The following WDFY3 variants were observed in gnomAD, a reference collection of about 807,000 sequenced individuals.
WDFY3 encodes the protein WD repeat and FYVE domain containing 3.
A neutral mutation model predicts 409.6 loss-of-function variants in WDFY3; 66 were observed. That is an observed-to-expected ratio of 0.16 (90% CI 0.13 to 0.20). WDFY3 has a LOEUF of 0.20. Ranked by LOEUF, WDFY3 falls within the 10% of genes least tolerant of loss-of-function variation. The pLI is 1.00. For missense variants in WDFY3, 3,031 were observed against 4,298.1 expected (o/e 0.71, Z 8.24); for synonymous variants, 1,521 against 1,537.1 (o/e 0.99, Z 0.25).
chr4:84,931,752 T>C (rs1770791846), intron 2 of WDFY3, among the ~76,000 whole-genome samples: 1 of 152,084 alleles, frequency 6.6e-6, no homozygotes, highest in Non-Finnish European at 1.5e-5. Flanking sequence ...ATTGAAAAAC[T>C]AATAACCTCA....
intron 1 of WDFY3, among the ~76,000 whole-genome samples, chr4:84,964,494 T>A (rs914452072): frequency 2.6e-5 from 4 of 152,092 alleles, no homozygotes; most frequent in Admixed American, 6.5e-5. Context: ...ATAAATAAAT[T>A]AAGAACAACT....
At chr4:84,687,210 C>T (rs931911681) in intron 62 of WDFY3, among the ~76,000 whole-genome samples, 2 of 152,146 alleles carry the variant, frequency 1.3e-5, no homozygotes, top group Non-Finnish European at 2.9e-5. Context: ...GTGGAGCGAT[C>T]TTGGCTCACT....
intron 2 of WDFY3, among the ~76,000 whole-genome samples, chr4:84,921,783 A>T (rs1769323147): frequency 6.8e-6 from 1 of 147,614 alleles, no homozygotes; most frequent in Non-Finnish European, 1.5e-5. Flanking sequence ...CAGCCTCCCT[A>T]GTAGCTGTGA....
At chr4:84,681,876 T>G (rs939438930) in intron 64 of WDFY3, among the ~76,000 whole-genome samples, 1 of 152,216 alleles carries the variant, frequency 6.6e-6, no homozygotes, top group Non-Finnish European at 1.5e-5. Flanking sequence ...TAATGGACTA[T>G]AGGTAACCAG....
At chr4:84,901,309 G>C (rs914652355) in intron 2 of WDFY3, among the ~76,000 whole-genome samples, 3 of 152,138 alleles carry the variant, frequency 2.0e-5, no homozygotes, top group Non-Finnish European at 4.4e-5. Flanking sequence ...TGGTTCATGA[G>C]GAATCTGCTC....
At chr4:84,744,852 C>CAAAAA (rs1165273561) in intron 36 of WDFY3, among the ~76,000 whole-genome samples, 1 of 15,738 alleles carries the variant, frequency 6.4e-5, no homozygotes, top group African/African-American at 2.5e-4. Context: ...GACTCCGTCT[C>CAAAAA]AAAAAAAAAA....
intron 32 of WDFY3, among the ~76,000 whole-genome samples, chr4:84,759,288 CTCT>C (rs1476921664): frequency 1.3e-5 from 2 of 152,094 alleles, no homozygotes; most frequent in African/African-American, 4.8e-5. Context: ...GGGATGCGGG[CTCT>C]TTTTTGGTTC....
chr4:84,925,232 T>C (rs1370376768), intron 2 of WDFY3, among the ~76,000 whole-genome samples: 1 of 152,192 alleles, frequency 6.6e-6, no homozygotes, highest in African/African-American at 2.4e-5. Flanking sequence ...TCTACTCTAT[T>C]AGCCTCAAAG....
At chr4:84,834,961 C>T (rs893066721) in intron 7 of WDFY3, among the ~76,000 whole-genome samples, 1 of 152,188 alleles carries the variant, frequency 6.6e-6, no homozygotes, top group African/African-American at 2.4e-5. Context: ...ACACTAAAAG[C>T]AGCAGTGAAC....
intron 2 of WDFY3, among the ~76,000 whole-genome samples, chr4:84,897,420 T>C (rs1240647643): frequency 1.3e-5 from 2 of 152,182 alleles, no homozygotes; most frequent in Admixed American, 6.5e-5. Context: ...TTCACTCTTG[T>C]CACCCAGGCT....
intron 27 of WDFY3, among the ~76,000 whole-genome samples, chr4:84,777,932 AG>A (rs1745831540): frequency 1.3e-5 from 2 of 152,270 alleles, no homozygotes; most frequent in South Asian, 2.1e-4. Context: ...ACAGAGTGTA[AG>A]CTGTTACAGT....
intron 1 of WDFY3, among the ~76,000 whole-genome samples, chr4:84,951,064 T>G (rs535716234): frequency 6.6e-6 from 1 of 152,234 alleles, no homozygotes; most frequent in African/African-American, 2.4e-5. Context: ...ATTAATTTCA[T>G]GTACTCTTTC....
intron 51 of WDFY3, among the ~76,000 whole-genome samples, chr4:84,712,373 T>TAAAAAAAA (rs998951453): frequency 2.1e-4 from 16 of 75,054 alleles, no homozygotes; most frequent in Non-Finnish European, 3.6e-4. Context: ...AGAAAAAAAT[T>TAAAAAAAA]AAAAAAAAAA....
intron 40 of WDFY3, among the ~76,000 whole-genome samples, chr4:84,737,860 T>C (rs957822569): frequency 6.6e-6 from 1 of 152,166 alleles, no homozygotes; most frequent in African/African-American, 2.4e-5. Context: ...AGCAATCACC[T>C]GAGGGCCTGT....
intron 2 of WDFY3, among the ~76,000 whole-genome samples, chr4:84,931,402 G>C (rs762350563): frequency 1.2e-4 from 18 of 152,064 alleles, no homozygotes; most frequent in Admixed American, 7.2e-4. Context: ...CCTTTCTTTG[G>C]GATCTGGATT....
chr4:84,815,436 T>C (rs1753148944), intron 13 of WDFY3, among the ~76,000 whole-genome samples: 1 of 152,184 alleles, frequency 6.6e-6, no homozygotes, highest in Non-Finnish European at 1.5e-5. Context: ...AATACAATTA[T>C]TTTATCTACA....
chr4:84,758,979 T>G (rs1741974941), intron 32 of WDFY3, among the ~76,000 whole-genome samples: 1 of 152,200 alleles, frequency 6.6e-6, no homozygotes, highest in Admixed American at 6.5e-5. Flanking sequence ...TTGATTTTTG[T>G]ATAAGGTGTA....
intron 1 of WDFY3, among the ~76,000 whole-genome samples, chr4:84,948,691 C>T (rs1003648898): frequency 2.0e-5 from 3 of 152,196 alleles, no homozygotes; most frequent in Non-Finnish European, 4.4e-5. Context: ...TCCCCTTCTG[C>T]TGTCCTTTTC....
At chr4:84,910,577 C>T (rs1024827450) in intron 2 of WDFY3, among the ~76,000 whole-genome samples, 3 of 151,924 alleles carry the variant, frequency 2.0e-5, no homozygotes, top group South Asian at 2.1e-4. Flanking sequence ...AAGGCAGTCT[C>T]GTCAACAAAA....
Sources: allele counts gnomAD v4.1 joint callset (sites outside exome capture counted in the v4.1 genomes callset), GRCh38; gene constraint gnomAD v4.1.1; transcripts MANE v1.5; gene names NCBI Gene and HGNC (gene_info 2026-07-23, HGNC 2026-07-21).